The following CFAP61 variants were observed in gnomAD, a reference collection of about 807,000 sequenced individuals.
CFAP61 encodes cilia and flagella associated protein 61, also known as cilia- and flagella-associated protein 61.
In CFAP61, 107 loss-of-function variants were observed where a neutral mutation model predicts 135.6. The observed-to-expected ratio is 0.79, with a 90% CI of 0.67 to 0.93. The LOEUF is 0.93. Ranked by LOEUF, CFAP61 falls within the 40% of genes least tolerant of loss-of-function variation. The probability of loss-of-function intolerance (pLI) is 0.00; values close to 1 mark genes in which losing one functional copy is unlikely to be tolerated. For missense variants in CFAP61, 1,507 were observed against 1,556.2 expected (o/e 0.97, Z 0.53); for synonymous variants, 575 against 578.5 (o/e 0.99, Z 0.09).
intron 9 of CFAP61, among the ~76,000 whole-genome samples, chr20:20,156,617 C>T (rs1463222793): frequency 1.3e-5 from 2 of 151,850 alleles, no homozygotes; most frequent in African/African-American, 4.8e-5. Context: ...GACAACATGA[C>T]TACCTATGAA....
intron 2 of CFAP61, among the ~76,000 whole-genome samples, chr20:20,057,398 A>G (rs1378047815): frequency 1.3e-5 from 2 of 152,170 alleles, no homozygotes; most frequent in East Asian, 3.9e-4. Context: ...AGTTAATAAT[A>G]TTAGCTGCCA....
chr20:20,298,541 C>T lies in CFAP61; in HGVS notation c.3422+155C>T, dbSNP rs190442572. 1.7e-4 allele frequency among the ~76,000 whole-genome samples: 26 copies of T among 152,304 alleles called. No homozygotes were observed. In the South Asian group the frequency reaches 2.1e-3, roughly 12 times the overall value. ...TTTCGTTCTAATGAAGAACACCTGA[C>T]GCTAATGTGGGCTGGGGAGCAGAGA... On this transcript the variant is annotated intron_variant, in intron 25 of 26. Coordinates refer to ENST00000245957, the MANE Select transcript of CFAP61 (RefSeq NM_015585.4).
intron 25 of CFAP61, among the ~76,000 whole-genome samples, chr20:20,314,777 A>C (rs2057031070): frequency 7.4e-6 from 1 of 134,462 alleles, no homozygotes; most frequent in African/African-American, 2.9e-5. Flanking sequence ...ATGAGTGAGA[A>C]TATGCGGTGT....
chr20:20,311,615 G>C (rs917332435), intron 25 of CFAP61, among the ~76,000 whole-genome samples: 2 of 151,912 alleles, frequency 1.3e-5, no homozygotes, highest in Non-Finnish European at 2.9e-5. Flanking sequence ...TCAGGACAGA[G>C]GGAGAGGGAG....
chr20:20,208,606 A>AGTTGAATTTCTAGT, intron 17 of CFAP61, among the ~76,000 whole-genome samples: 1 of 152,188 alleles, frequency 6.6e-6, no homozygotes, highest in Middle Eastern at 3.4e-3. Context: ...CTTATTATTG[A>AGTTGAATTTCTAGT]GTTGAATTTC....
At chr20:20,279,286 C>T (rs151133266) in intron 22 of CFAP61, among the ~76,000 whole-genome samples, 44 of 152,298 alleles carry the variant, frequency 2.9e-4, no homozygotes, top group African/African-American at 1.1e-3. Context: ...TGAAAACCCA[C>T]ATAGAGCTTT....
At chr20:20,071,979 T>C (rs1168840765) in intron 3 of CFAP61, among the ~76,000 whole-genome samples, 1 of 152,078 alleles carries the variant, frequency 6.6e-6, no homozygotes, top group Non-Finnish European at 1.5e-5. Context: ...GATTAGCCTG[T>C]AGATTTTTGT....
At chr20:20,351,674 G>T (rs1354726903) in intron 26 of CFAP61, among the ~76,000 whole-genome samples, 2 of 151,926 alleles carry the variant, frequency 1.3e-5, no homozygotes, top group African/African-American at 4.8e-5. Flanking sequence ...ATATTTAGGA[G>T]TTTTTAACCA....
chr20:20,061,077 T>TTAC (rs1484346619), intron 2 of CFAP61, among the ~76,000 whole-genome samples: 1 of 152,178 alleles, frequency 6.6e-6, no homozygotes, highest in Admixed American at 6.5e-5. Context: ...GGGTGGTTTA[T>TTAC]TACACATCAG....
At chr20:20,300,619 T>G (rs1228464463) in intron 25 of CFAP61, among the ~76,000 whole-genome samples, 1 of 151,868 alleles carries the variant, frequency 6.6e-6, no homozygotes, top group Non-Finnish European at 1.5e-5. Context: ...TTTTTTTTTT[T>G]TTTGAGATGG....
chr20:20,090,612 C>A (rs1331767897), intron 6 of CFAP61, among the ~76,000 whole-genome samples: 4 of 148,452 alleles, frequency 2.7e-5, no homozygotes, highest in African/African-American at 1.0e-4. Flanking sequence ...ATCGCTTGAA[C>A]CCGGGAAGCA....
At chr20:20,112,812 T>C (rs1438565187) in intron 8 of CFAP61, among the ~76,000 whole-genome samples, 1 of 152,238 alleles carries the variant, frequency 6.6e-6, no homozygotes, top group African/African-American at 2.4e-5. Flanking sequence ...AGTATTGCCT[T>C]GTCTTTATCC....
At chr20:20,350,450 G>A (rs2058793476) in intron 26 of CFAP61, among the ~76,000 whole-genome samples, 1 of 152,226 alleles carries the variant, frequency 6.6e-6, no homozygotes, top group Non-Finnish European at 1.5e-5. Context: ...CCAACGTGGT[G>A]AAACCACATC....
chr20:20,299,023 A>T (rs1487930207), intron 25 of CFAP61, among the ~76,000 whole-genome samples: 1 of 152,204 alleles, frequency 6.6e-6, no homozygotes, highest in Non-Finnish European at 1.5e-5. Flanking sequence ...GACTTTCCCT[A>T]TTCACAAAGC....
chr20:20,236,394 C>G (rs556917772), intron 18 of CFAP61, among the ~76,000 whole-genome samples: 2 of 152,252 alleles, frequency 1.3e-5, no homozygotes, highest in African/African-American at 4.8e-5. Context: ...TATAAGGAAA[C>G]CTATTTCCCC....
chr20:20,229,189 T>C (rs1003109), intron 18 of CFAP61, among the ~76,000 whole-genome samples: 10,615 of 152,148 alleles, frequency 0.07, 1,171 homozygotes, highest in East Asian at 0.53. Context: ...CCAGTCTCTC[T>C]CTCCATGTGC....
intron 16 of CFAP61, among the ~76,000 whole-genome samples, chr20:20,197,920 G>C (rs1647564742): frequency 6.6e-6 from 1 of 152,170 alleles, no homozygotes; most frequent in Non-Finnish European, 1.5e-5. Context: ...ATCTTAAAAT[G>C]CCTTATTATT....
chr20:20,243,934 T>G (rs2050220605), intron 18 of CFAP61, among the ~76,000 whole-genome samples: 1 of 152,186 alleles, frequency 6.6e-6, no homozygotes, highest in African/African-American at 2.4e-5. Flanking sequence ...ACAAAGGGGT[T>G]ACAGGCTCCA....
chr20:20,336,908 T>C (rs1414198783), intron 25 of CFAP61, among the ~76,000 whole-genome samples: 3 of 152,156 alleles, frequency 2.0e-5, no homozygotes, highest in Admixed American at 2.0e-4. Flanking sequence ...CCACCCACCA[T>C]GTGTGCATTT....
Sources: allele counts gnomAD v4.1 joint callset (sites outside exome capture counted in the v4.1 genomes callset), GRCh38; gene constraint gnomAD v4.1.1; transcripts MANE v1.5; gene names NCBI Gene and HGNC (gene_info 2026-07-23, HGNC 2026-07-21).